METTL15: variants seen among roughly 807,000 people sequenced by gnomAD.
METTL15 encodes methyltransferase 15, mitochondrial 12S rRNA N4-cytidine, also known as 12S rRNA N(4)-cytidine methyltransferase METTL15.
Under a neutral mutation model 38.3 loss-of-function variants are expected in METTL15, and 34 were observed. The ratio of observed to expected loss-of-function variants is 0.89; its 90% confidence interval spans 0.68 to 1.18. METTL15 has a LOEUF of 1.18. Among genes scored for constraint, METTL15 ranks in the 50% most tolerant of loss-of-function variants. METTL15 has a pLI of 0.00. For synonymous variants in METTL15, 162 were observed against 170.9 expected (o/e 0.95, Z 0.41); for missense variants, 438 against 498.4 (o/e 0.88, Z 1.15).
chr11:28,285,527 A>G (rs1856223965), intron 4 of METTL15, among the ~76,000 whole-genome samples: 1 of 152,168 alleles, frequency 6.6e-6, no homozygotes, highest in South Asian at 2.1e-4. Context: ...AGTAGTTAGC[A>G]TGTTTTCAAT....
chr11:28,123,498 T>TCA (rs1045158784), intron 3 of METTL15, among the ~76,000 whole-genome samples: 14 of 152,156 alleles, frequency 9.2e-5, no homozygotes, highest in African/African-American at 3.4e-4. Flanking sequence ...ACTCATCTTA[T>TCA]AATGTTCTGT....
intron 3 of METTL15, among the ~76,000 whole-genome samples, chr11:28,142,651 A>T (rs186579691): frequency 1.4e-4 from 21 of 152,276 alleles, no homozygotes; most frequent in Middle Eastern, 3.4e-3. Flanking sequence ...GACAGCAAGG[A>T]TGTATGGAAA....
intron 6 of METTL15, among the ~76,000 whole-genome samples, chr11:28,439,587 G>T (rs2133439306): frequency 6.6e-6 from 1 of 152,302 alleles, no homozygotes; most frequent in South Asian, 2.1e-4. Flanking sequence ...CATTATCCCT[G>T]TGGGTGGGCC....
intron 6 of METTL15, among the ~76,000 whole-genome samples, chr11:28,503,141 G>T (rs889186468): frequency 3.9e-5 from 6 of 152,162 alleles, no homozygotes; most frequent in Non-Finnish European, 8.8e-5. Flanking sequence ...AGTTGCAGTG[G>T]TGTACAGTAT....
At chr11:28,262,179 G>A (rs890353502) in intron 4 of METTL15, among the ~76,000 whole-genome samples, 4 of 151,986 alleles carry the variant, frequency 2.6e-5, no homozygotes, top group Non-Finnish European at 4.4e-5. Context: ...TATATTGTAG[G>A]AATGACCTAG....
At chr11:28,444,178 G>T (rs1458351316) in intron 6 of METTL15, among the ~76,000 whole-genome samples, 1 of 152,016 alleles carries the variant, frequency 6.6e-6, no homozygotes, top group Non-Finnish European at 1.5e-5. Flanking sequence ...TCACAAAGTT[G>T]CTCAACCCTT....
chr11:28,384,245 G>A (rs565353438), intron 5 of METTL15, among the ~76,000 whole-genome samples: 1 of 151,596 alleles, frequency 6.6e-6, no homozygotes, highest in African/African-American at 2.4e-5. Context: ...TGTCTTTGCT[G>A]TTGTGTATAG....
At chr11:28,407,838 TATAAAG>T (rs1850687358) in intron 5 of METTL15, among the ~76,000 whole-genome samples, 1 of 152,120 alleles carries the variant, frequency 6.6e-6, no homozygotes, top group Non-Finnish European at 1.5e-5. Context: ...ATCATTCTAT[TATAAAG>T]ATAAATGCAT....
intron 6 of METTL15, among the ~76,000 whole-genome samples, chr11:28,441,528 A>G (rs184030089): frequency 1.3e-3 from 202 of 152,240 alleles, no homozygotes; most frequent in Admixed American, 5.0e-3. Context: ...TAAACTCATC[A>G]TATCCTAAAA....
At chr11:28,172,108 C>T (rs1443339418) in intron 3 of METTL15, among the ~76,000 whole-genome samples, 1 of 152,056 alleles carries the variant, frequency 6.6e-6, no homozygotes, top group African/African-American at 2.4e-5. Flanking sequence ...GCCATGTTTT[C>T]TTAATTTTAC....
intron 4 of METTL15, among the ~76,000 whole-genome samples, chr11:28,244,227 TTTTC>T (rs1422487323): frequency 1.3e-5 from 2 of 152,214 alleles, no homozygotes; most frequent in Non-Finnish European, 2.9e-5. Flanking sequence ...GGTAAGGTCA[TTTTC>T]TTTTTCTTTG....
At chr11:28,343,289 G>A (rs970282813) in intron 3 of METTL15, among the ~76,000 whole-genome samples, 3 of 150,864 alleles carry the variant, frequency 2.0e-5, no homozygotes, top group African/African-American at 7.3e-5. Flanking sequence ...TTCCTTAGAA[G>A]AAATTAAACA....
intron 6 of METTL15, among the ~76,000 whole-genome samples, chr11:28,458,783 A>G (rs1015094883): frequency 1.3e-5 from 2 of 152,232 alleles, no homozygotes; most frequent in African/African-American, 4.8e-5. Flanking sequence ...CCATGGCTAC[A>G]TAAATATATT....
chr11:28,390,945 G>A (rs576357702), intron 5 of METTL15, among the ~76,000 whole-genome samples: 7 of 152,020 alleles, frequency 4.6e-5, no homozygotes, highest in Non-Finnish European at 1.0e-4. Flanking sequence ...GGTCCTTCAC[G>A]TCCCTTGTAA....
At chr11:28,238,802 C>A (rs1246606339) in intron 4 of METTL15, among the ~76,000 whole-genome samples, 1 of 152,200 alleles carries the variant, frequency 6.6e-6, no homozygotes, top group Non-Finnish European at 1.5e-5. Context: ...CTGCCCCACC[C>A]CACGGCTCTA....
At chr11:28,259,867 C>G (rs942159377) in intron 4 of METTL15, among the ~76,000 whole-genome samples, 4 of 151,972 alleles carry the variant, frequency 2.6e-5, no homozygotes, top group African/African-American at 9.7e-5. Flanking sequence ...AATTGGTGTC[C>G]TTGCAGTAGG....
chr11:28,341,262 A>G (rs1349930181), intron 3 of METTL15, among the ~76,000 whole-genome samples: 2 of 152,298 alleles, frequency 1.3e-5, no homozygotes, highest in African/African-American at 4.8e-5. Flanking sequence ...TGGCACGTGT[A>G]TACCTATGTG....
chr11:28,384,318 T>TA (rs1442881488), intron 5 of METTL15, among the ~76,000 whole-genome samples: 1 of 151,802 alleles, frequency 6.6e-6, no homozygotes, highest in Non-Finnish European at 1.5e-5. Flanking sequence ...TTCTTTCTTT[T>TA]TTTTTTTTGA....
chr11:28,392,673 A>G (rs1850523756), intron 5 of METTL15, among the ~76,000 whole-genome samples: 1 of 152,152 alleles, frequency 6.6e-6, no homozygotes, highest in Non-Finnish European at 1.5e-5. Flanking sequence ...TATCAAACTT[A>G]AAAAGTTTTG....
Sources: allele counts gnomAD v4.1 joint callset (sites outside exome capture counted in the v4.1 genomes callset), GRCh38; gene constraint gnomAD v4.1.1; transcripts MANE v1.5; gene names NCBI Gene and HGNC (gene_info 2026-07-23, HGNC 2026-07-21).